The following ECPAS variants were observed in gnomAD, a reference collection of about 807,000 sequenced individuals.
ECPAS encodes Ecm29 proteasome adaptor and scaffold.
A neutral mutation model predicts 255.1 loss-of-function variants in ECPAS; 70 were observed. The ratio of observed to expected loss-of-function variants is 0.27; its 90% CI spans 0.23 to 0.33. The LOEUF (loss-of-function observed/expected upper bound fraction) is 0.33, where lower values mean the gene tolerates loss of function less well. Ranked by LOEUF, ECPAS falls within the 10% of genes least tolerant of loss-of-function variation. ECPAS has a pLI of 1.00. For missense variants in ECPAS, 1,817 were observed against 2,206.4 expected (o/e 0.82, Z 3.54); for synonymous variants, 784 against 775.0 (o/e 1.01, Z -0.19).
At chr9:111,409,711 A>T (rs945469460) in intron 23 of ECPAS, among the ~76,000 whole-genome samples, 3 of 152,204 alleles carry the variant, frequency 2.0e-5, no homozygotes, top group East Asian at 1.9e-4. Flanking sequence ...CTAAAATAAA[A>T]AAAAAATCAC....
chr9:111,420,709 C>T (rs1675276188), intron 15 of ECPAS, among the ~76,000 whole-genome samples: 1 of 152,112 alleles, frequency 6.6e-6, no homozygotes, highest in Admixed American at 6.6e-5. Flanking sequence ...ATCTACTGAT[C>T]CTGAAGCTTT....
At chr9:111,411,918 T>G in intron 21 of ECPAS, 96 bp downstream of exon 21, 1 of 1,142,348 alleles carries the variant, frequency 8.8e-7, no homozygotes, top group Non-Finnish European at 1.2e-6. Context: ...ATTTGTAAGT[T>G]CATTTTACAA....
At position 111,484,379 on chromosome 9, in the gene ECPAS, G is replaced by A. The variant is rs767545551; in HGVS notation, c.-346C>T. The A allele has an allele frequency of 2.5e-6, 4 of 1,611,644 alleles. No individual in the cohort carries two copies. The highest frequency in any genetic ancestry group is 2.2e-5 in the South Asian group (2 of 90,932). On this transcript the variant is annotated 5_prime_UTR_variant, in exon 1 of 50. Coordinates refer to ENST00000684092, the MANE Select transcript of ECPAS (RefSeq NM_001364929.1). ...ACGCCTGTCCAAAGGAAGAGACGTG[G>A]ACTCAGAAAAGTAGAGCCGGGCTCG... is the stretch of plus-strand genomic sequence containing the variant.
In ECPAS at chr9:111,412,151, G is replaced by A; in HGVS notation, c.2080-3C>T. ...TCTTTACTGTTATTCATCAGACTCT[G>A]AGCAGTATAAAAAAAAAACAAATAT... On this transcript the variant is annotated splice_polypyrimidine_tract_variant and splice_region_variant and intron_variant, in intron 20 of 49. Transcript: ENST00000684092. 1 of 1,560,426 alleles carries A rather than the reference G, an allele frequency of 6.4e-7. No individual in the cohort carries two copies. The highest frequency in any genetic ancestry group is 8.6e-7 in the Non-Finnish European group (1 of 1,164,170).
At chr9:111,484,077 C>G (rs1163080255) in intron 1 of ECPAS, 39 bp downstream of exon 1, 4 of 1,182,312 alleles carry the variant, frequency 3.4e-6, no homozygotes, top group African/African-American at 1.6e-5. Context: ...GCCGCGCGCG[C>G]AGGGCCAGTC....
intron 1 of ECPAS, among the ~76,000 whole-genome samples, chr9:111,481,470 C>T (rs1263960906): frequency 6.6e-6 from 1 of 151,964 alleles, no homozygotes; most frequent in Admixed American, 6.6e-5. Context: ...CGCGCCACTG[C>T]ACTCCAGTCT....
In ECPAS at chr9:111,407,532, A is replaced by T. The variant is rs1189756276; in HGVS notation, c.2652+1039T>A. ...TTCTCTCCAAGTGGTTACAATGTTAATGACATCCCAGGAGACGTAGATTGT... is the reference window on the plus strand; with the variant it reads ...TTCTCTCCAAGTGGTTACAATGTTATTGACATCCCAGGAGACGTAGATTGT... On this transcript the variant is annotated intron_variant, in intron 24 of 49. Coordinates refer to ENST00000684092, the MANE Select transcript of ECPAS (RefSeq NM_001364929.1). Among the ~76,000 whole-genome samples the T allele has an allele frequency of 2.0e-5, 3 of 151,596 alleles. No homozygotes were observed. In the East Asian group the frequency reaches 5.8e-4, roughly 29 times the overall value.
At position 111,428,034 on chromosome 9, in the gene ECPAS, C is replaced by A. The variant is rs765810842; in HGVS notation, c.1050+8G>T. The A allele has an allele frequency of 4.3e-6, 7 of 1,611,370 alleles. No individual in the cohort carries two copies. Among genetic ancestry groups the A allele is most frequent in the Non-Finnish European group, 5.9e-6 (7 of 1,178,934 alleles). On this transcript the variant is annotated splice_region_variant and intron_variant, in intron 10 of 49. Transcript: ENST00000684092. Reference sequence around the variant, plus strand: ...ACAGGCCAATATTCTCTGGAAAAAACAAATTACCTGAATGTTGGCTGGGAA... The same window carrying A: ...ACAGGCCAATATTCTCTGGAAAAAAAAAATTACCTGAATGTTGGCTGGGAA...
intron 35 of ECPAS, among the ~76,000 whole-genome samples, chr9:111,382,646 A>G (rs1007520409): frequency 5.3e-5 from 8 of 152,126 alleles, no homozygotes; most frequent in African/African-American, 1.9e-4. Flanking sequence ...TTCATCAACT[A>G]TCTACTTGCC....
chr9:111,370,756 A>G lies in ECPAS; in HGVS notation c.4747T>C (p.Leu1583=). The change falls in exon 44 of 50, where the codon TTG becomes CTG. Residue 1583 remains leucine (L), a synonymous_variant. Coordinates refer to ENST00000684092, the MANE Select transcript of ECPAS (RefSeq NM_001364929.1). The stretch of plus-strand genomic sequence containing the variant: ...GTCACCACACAGGCAATGGCTTTCA[A>G]TAGCTCCTCCTAAGGGGTTGAAAGA... The part of the protein sequence containing the change: ...GRTWAGKEEL[L]KAIACVVTAC... 6.2e-7 allele frequency: 1 copy of G among 1,604,650 alleles called. No individual in the cohort carries two copies. The highest frequency in any genetic ancestry group is 8.5e-7 in the Non-Finnish European group (1 of 1,175,398).
chr9:111,458,687 T>G (rs2098269800), intron 2 of ECPAS, among the ~76,000 whole-genome samples: 1 of 152,028 alleles, frequency 6.6e-6, no homozygotes, highest in African/African-American at 2.4e-5. Context: ...TGGGCAATGA[T>G]CCAATCAATC....
At chr9:111,459,656 G>A (rs1383934637) in intron 2 of ECPAS, among the ~76,000 whole-genome samples, 2 of 152,080 alleles carry the variant, frequency 1.3e-5, no homozygotes, top group East Asian at 1.9e-4. Context: ...CTCATCATAC[G>A]GAGGCATAAC....
At position 111,472,993 on chromosome 9, in the gene ECPAS, T is replaced by C. The variant is rs933590715; in HGVS notation, c.-75A>G. The C allele has an allele frequency of 7.2e-6, 8 of 1,108,374 alleles. No homozygotes were observed. The East Asian group carries it at 3.2e-4, about 45-fold the overall frequency. The allele number at this position is 1,108,374 out of a possible 1,614,324, so 68.7% of individuals were successfully genotyped here. A position where few individuals can be genotyped will look rare whatever the true frequency, so the allele number is the denominator to read the frequency against. ...ATCCACTCGTACATATGCAATTGTA[T>C]AAAGAATCTATTATTTAGAACACCA... On this transcript the variant is annotated 5_prime_UTR_variant, in exon 2 of 50. Coordinates refer to ENST00000684092, the MANE Select transcript of ECPAS (RefSeq NM_001364929.1).
At chr9:111,424,420 TGTAAGATCTTGATCTC>T (rs1295122829) in intron 12 of ECPAS, among the ~76,000 whole-genome samples, 3 of 152,262 alleles carry the variant, frequency 2.0e-5, no homozygotes, top group Admixed American at 2.0e-4. Flanking sequence ...TAATTTCAGA[TGTAAGATCTTGATCTC>T]ACTATACTAC....
At chr9:111,446,021 G>A (rs960945262) in intron 3 of ECPAS, among the ~76,000 whole-genome samples, 3 of 152,124 alleles carry the variant, frequency 2.0e-5, no homozygotes, top group African/African-American at 7.2e-5. Flanking sequence ...CCTTTTTTAT[G>A]GCTGCATAGT....
intron 8 of ECPAS, among the ~76,000 whole-genome samples, chr9:111,431,632 T>C (rs1376689159): frequency 1.3e-5 from 2 of 148,168 alleles, no homozygotes; most frequent in Non-Finnish European, 3.0e-5. Flanking sequence ...ACTCATTTCA[T>C]AAACCTAGCA....
intron 2 of ECPAS, among the ~76,000 whole-genome samples, chr9:111,470,519 C>T (rs902671619): frequency 4.5e-4 from 68 of 152,194 alleles, no homozygotes; most frequent in Admixed American, 1.1e-3. Flanking sequence ...ACTGTGTTAC[C>T]CGTGATGGTC....
chr9:111,484,165 A>G lies in ECPAS; in HGVS notation c.-132T>C. The G allele has an allele frequency of 1.4e-6, 2 of 1,474,410 alleles. No homozygotes were observed. The allele number at this position is 1,474,410 out of a possible 1,614,324, so 91.3% of individuals were successfully genotyped here. A position where few individuals can be genotyped will look rare whatever the true frequency, so the allele number is the denominator to read the frequency against. Reference sequence around the variant, plus strand: ...CGCGGACGCTGCGCTCGGCGCCGCGAGGTGAGGGCTGTAGAGCGAGGCGTT... The same window carrying G: ...CGCGGACGCTGCGCTCGGCGCCGCGGGGTGAGGGCTGTAGAGCGAGGCGTT... On this transcript the variant is annotated 5_prime_UTR_variant, in exon 1 of 50. Coordinates refer to ENST00000684092, the MANE Select transcript of ECPAS (RefSeq NM_001364929.1).
In ECPAS at chr9:111,464,096, C is replaced by T. The variant is rs906442770; in HGVS notation, c.22+8801G>A. 2.0e-5 allele frequency among the ~76,000 whole-genome samples: 3 copies of T among 151,998 alleles called. No individual in the cohort carries two copies. In the East Asian group the frequency reaches 5.8e-4, roughly 29 times the overall value. The stretch of plus-strand genomic sequence containing the variant: ...TTCCTTATTTGCAAGAAATAACTCC[C>T]TAATGCTCAGACAACACTTTATGTA... On this transcript the variant is annotated intron_variant, in intron 2 of 49. Coordinates refer to ENST00000684092, the MANE Select transcript of ECPAS (RefSeq NM_001364929.1).
Sources: allele counts gnomAD v4.1 joint callset (sites outside exome capture counted in the v4.1 genomes callset), GRCh38; gene constraint gnomAD v4.1.1; transcripts MANE v1.5; gene names NCBI Gene and HGNC (gene_info 2026-07-23, HGNC 2026-07-21).